The following FOXP2 variants were observed in gnomAD, a reference collection of about 807,000 sequenced individuals.
FOXP2 encodes the protein forkhead box protein P2.
A neutral mutation model predicts 115.8 loss-of-function variants in FOXP2; 12 were observed. That is an observed-to-expected ratio of 0.10 (90% CI 0.07 to 0.17). The LOEUF (loss-of-function observed/expected upper bound fraction) is 0.17, where lower values mean the gene tolerates loss of function less well. FOXP2 is among the 10% of genes least tolerant of loss of function. The pLI is 1.00. For synonymous variants in FOXP2, 328 were observed against 297.7 expected (o/e 1.10, Z -1.05); for missense variants, 629 against 843.5 (o/e 0.75, Z 3.15).
intron 2 of FOXP2, among the ~76,000 whole-genome samples, chr7:114,497,258 T>C (rs919538034): frequency 6.6e-6 from 1 of 152,228 alleles, no homozygotes; most frequent in Non-Finnish European, 1.5e-5. Context: ...TCTTTCCTAT[T>C]GTGTTTACAT....
intron 1 of FOXP2, among the ~76,000 whole-genome samples, chr7:114,251,630 C>A (rs1458625149): frequency 6.6e-6 from 1 of 152,136 alleles, no homozygotes; most frequent in Non-Finnish European, 1.5e-5. Flanking sequence ...GATTTTTGCA[C>A]TTTGAATTTG....
chr7:114,514,878 C>G (rs1334831707), intron 2 of FOXP2, among the ~76,000 whole-genome samples: 3 of 150,590 alleles, frequency 2.0e-5, no homozygotes, highest in Non-Finnish European at 4.4e-5. Flanking sequence ...TCCCCCCACC[C>G]CACAACAGTC....
At chr7:114,571,061 T>C (rs1453765540) in intron 3 of FOXP2, among the ~76,000 whole-genome samples, 1 of 151,976 alleles carries the variant, frequency 6.6e-6, no homozygotes, top group Non-Finnish European at 1.5e-5. Flanking sequence ...CTTCTTTTGT[T>C]CTCAATTCAG....
At chr7:114,440,168 C>A (rs1794538812) in intron 2 of FOXP2, among the ~76,000 whole-genome samples, 1 of 152,124 alleles carries the variant, frequency 6.6e-6, no homozygotes, top group African/African-American at 2.4e-5. Flanking sequence ...AAAGATTAAA[C>A]CATCTGTTCA....
At chr7:114,397,251 A>G (rs1401844542) in intron 2 of FOXP2, among the ~76,000 whole-genome samples, 1 of 152,134 alleles carries the variant, frequency 6.6e-6, no homozygotes, top group Non-Finnish European at 1.5e-5. Context: ...AAATGGGAAA[A>G]CATCCATTTA....
chr7:114,142,204 G>A (rs1045409956), intron 1 of FOXP2, among the ~76,000 whole-genome samples: 3 of 151,986 alleles, frequency 2.0e-5, no homozygotes, highest in Non-Finnish European at 4.4e-5. Flanking sequence ...TGTGTTTTTA[G>A]TAGAGACAGG....
chr7:114,446,131 T>C (rs1013791827), intron 2 of FOXP2, among the ~76,000 whole-genome samples: 1 of 152,116 alleles, frequency 6.6e-6, no homozygotes, highest in Non-Finnish European at 1.5e-5. Context: ...TAGATTTTTG[T>C]CATAAGCATT....
intron 2 of FOXP2, among the ~76,000 whole-genome samples, chr7:114,386,679 C>G (rs543140474): frequency 4.6e-5 from 7 of 152,254 alleles, no homozygotes; most frequent in Middle Eastern, 3.4e-3. Context: ...GAAGGTTAAT[C>G]CCAAGAAGCA....
chr7:114,256,970 G>T (rs914106994), intron 1 of FOXP2, among the ~76,000 whole-genome samples: 7 of 152,116 alleles, frequency 4.6e-5, no homozygotes, highest in Non-Finnish European at 8.8e-5. Flanking sequence ...GGAACCAAAA[G>T]GAGCCCACAT....
At chr7:114,157,984 AAAAC>A (rs1399374181) in intron 1 of FOXP2, among the ~76,000 whole-genome samples, 1 of 152,100 alleles carries the variant, frequency 6.6e-6, no homozygotes, top group Non-Finnish European at 1.5e-5. Flanking sequence ...AATATTTAAG[AAAAC>A]AAACAAAAAG....
At chr7:114,190,816 A>C (rs1793738673) in intron 1 of FOXP2, among the ~76,000 whole-genome samples, 1 of 152,212 alleles carries the variant, frequency 6.6e-6, no homozygotes, top group Non-Finnish European at 1.5e-5. Flanking sequence ...AGAAAATGTA[A>C]ATAAACCAAT....
At chr7:114,382,559 G>A (rs1001877768) in intron 2 of FOXP2, among the ~76,000 whole-genome samples, 6 of 152,038 alleles carry the variant, frequency 3.9e-5, no homozygotes, top group African/African-American at 1.4e-4. Flanking sequence ...AACCTCCAAA[G>A]TCTGCTTGCC....
intron 14 of FOXP2, among the ~76,000 whole-genome samples, chr7:114,662,838 A>G (rs1396625280): frequency 6.6e-6 from 1 of 152,076 alleles, no homozygotes; most frequent in Non-Finnish European, 1.5e-5. Context: ...AGTAAAACAC[A>G]TTTTGTGCTT....
At chr7:114,493,743 A>C (rs914536591) in intron 2 of FOXP2, among the ~76,000 whole-genome samples, 1 of 152,006 alleles carries the variant, frequency 6.6e-6, no homozygotes, top group Non-Finnish European at 1.5e-5. Flanking sequence ...AAAACTGAAA[A>C]GTTATATGCA....
At chr7:114,283,486 G>A (rs1319613702) in intron 1 of FOXP2, among the ~76,000 whole-genome samples, 1 of 151,950 alleles carries the variant, frequency 6.6e-6, no homozygotes, top group Non-Finnish European at 1.5e-5. Flanking sequence ...ATGATGTAAT[G>A]TTTTCCTTTT....
intron 2 of FOXP2, among the ~76,000 whole-genome samples, chr7:114,358,165 AC>A (rs1562885578): frequency 1.3e-5 from 2 of 152,084 alleles, no homozygotes; most frequent in Non-Finnish European, 1.5e-5. Context: ...AGACATGATG[AC>A]TTTATTAAGA....
At chr7:114,276,763 C>G (rs1002676422) in intron 1 of FOXP2, among the ~76,000 whole-genome samples, 1 of 152,140 alleles carries the variant, frequency 6.6e-6, no homozygotes, top group African/African-American at 2.4e-5. Flanking sequence ...GCATCCTGAC[C>G]TCTCTTACAG....
intron 2 of FOXP2, among the ~76,000 whole-genome samples, chr7:114,406,994 A>G (rs1026088374): frequency 2.6e-5 from 4 of 152,048 alleles, no homozygotes; most frequent in Admixed American, 1.3e-4. Context: ...AGAGAGAAGA[A>G]GGGAAGGAGA....
intron 1 of FOXP2, among the ~76,000 whole-genome samples, chr7:114,191,231 G>T (rs1350297446): frequency 6.6e-6 from 1 of 152,082 alleles, no homozygotes; most frequent in Non-Finnish European, 1.5e-5. Context: ...AGGGCTAAAT[G>T]TATACCTTTC....
Sources: gnomAD v4.1 joint callset for allele counts (sites outside exome capture counted in the v4.1 genomes callset) on GRCh38, gnomAD v4.1.1 for gene constraint, MANE v1.5 for transcripts, NCBI Gene and HGNC (gene_info 2026-07-23, HGNC 2026-07-21) for gene names.